BCAS3: variants seen among roughly 807,000 people sequenced by gnomAD.
BCAS3 encodes BCAS3 microtubule associated cell migration factor, also known as BCAS4/BCAS3 fusion.
BCAS3 carries 53 observed loss-of-function variants against 116.1 expected under a neutral mutation model. The ratio of observed to expected loss-of-function variants is 0.46; its 90% CI spans 0.37 to 0.57. The LOEUF is 0.57. Among genes scored for constraint, BCAS3 ranks in the 20% least tolerant of loss-of-function variants. The probability of loss-of-function intolerance (pLI) is 0.00; values close to 1 mark genes in which losing one functional copy is unlikely to be tolerated. For synonymous variants in BCAS3, 391 were observed against 408.2 expected (o/e 0.96, Z 0.51); for missense variants, 917 against 1,165.4 (o/e 0.79, Z 3.10).
intron 5 of BCAS3, among the ~76,000 whole-genome samples, chr17:60,721,684 A>G (rs1275859938): frequency 6.6e-6 from 1 of 152,158 alleles, no homozygotes; most frequent in Non-Finnish European, 1.5e-5. Context: ...TGTGGAATGC[A>G]ATTTTTTTCT....
chr17:60,854,230 A>C (rs2042757560), intron 7 of BCAS3, among the ~76,000 whole-genome samples: 1 of 152,126 alleles, frequency 6.6e-6, no homozygotes, highest in Non-Finnish European at 1.5e-5. Context: ...ACATGAACTC[A>C]TCCTTTTTTA....
chr17:61,301,806 G>C (rs1036652545), intron 22 of BCAS3, among the ~76,000 whole-genome samples: 19 of 152,222 alleles, frequency 1.2e-4, no homozygotes, highest in African/African-American at 4.3e-4. Flanking sequence ...TCTATTCATA[G>C]ATCTCATGGA....
chr17:61,071,559 A>G (rs1432385665), intron 19 of BCAS3, among the ~76,000 whole-genome samples: 4 of 152,176 alleles, frequency 2.6e-5, no homozygotes, highest in Admixed American at 2.6e-4. Context: ...AGGGATGTCA[A>G]TGTTAATGGT....
chr17:60,811,912 G>A (rs1403404474), intron 7 of BCAS3, among the ~76,000 whole-genome samples: 1 of 152,148 alleles, frequency 6.6e-6, no homozygotes, highest in Non-Finnish European at 1.5e-5. Context: ...AATTAGCTGG[G>A]CATGATGGCA....
chr17:60,736,378 G>T (rs2040962770), intron 5 of BCAS3, among the ~76,000 whole-genome samples: 1 of 151,634 alleles, frequency 6.6e-6, no homozygotes, highest in Admixed American at 6.6e-5. Context: ...TAGAGACGGT[G>T]TTTCTCCATG....
chr17:61,375,568 T>A (rs985437163), intron 23 of BCAS3, among the ~76,000 whole-genome samples: 11 of 148,450 alleles, frequency 7.4e-5, no homozygotes, highest in Middle Eastern at 3.2e-3. Flanking sequence ...GTGTTAATTA[T>A]CTTTTTTTTT....
In BCAS3 at chr17:60,782,561, G is replaced by GTTATTATTA. The variant is rs59139545; in HGVS notation, c.404-25410_404-25402dup. ...AAAACATGTTAGTTGGTCTTTATAAGTTATTATTATTATTATTATTATTAT... is the reference window on the plus strand; with the variant it reads ...AAAACATGTTAGTTGGTCTTTATAAGTTATTATTATTATTATTATTATTATTATTATTAT... On this transcript the variant is annotated intron_variant, in intron 6 of 23. Coordinates refer to ENST00000407086, the MANE Select transcript of BCAS3 (RefSeq NM_017679.5). 9.0e-3 allele frequency among the ~76,000 whole-genome samples: 1,279 copies of GTTATTATTA among 142,454 alleles called. 10 individuals are homozygous for GTTATTATTA. Among genetic ancestry groups the GTTATTATTA allele is most frequent in the African/African-American group, 0.026 (1,001 of 38,430 alleles). 93.5% of individuals were successfully genotyped at this position (142,454 alleles called of 152,430 possible). A position where few individuals can be genotyped will look rare whatever the true frequency, so the allele number is the denominator to read the frequency against.
chr17:61,252,827 C>CT (rs1186383951), intron 22 of BCAS3, among the ~76,000 whole-genome samples: 4 of 151,782 alleles, frequency 2.6e-5, no homozygotes, highest in Non-Finnish European at 5.9e-5. Flanking sequence ...CTAAGCTGCC[C>CT]TTTCTTCCTT....
At chr17:60,930,362 G>T (rs953833978) in intron 13 of BCAS3, among the ~76,000 whole-genome samples, 11 of 152,190 alleles carry the variant, frequency 7.2e-5, no homozygotes, top group Admixed American at 2.6e-4. Flanking sequence ...TTGATTGCAT[G>T]ATTTTTGTTT....
intron 22 of BCAS3, among the ~76,000 whole-genome samples, chr17:61,336,311 C>G (rs960803165): frequency 6.6e-6 from 1 of 152,236 alleles, no homozygotes; most frequent in Non-Finnish European, 1.5e-5. Context: ...GGGCTTTGAA[C>G]ACTTTAATTT....
Position 61,376,792 on chromosome 17 carries a change from C to A in BCAS3, c.2593+8298C>A, listed in dbSNP as rs1486561833. On this transcript the variant is annotated intron_variant, in intron 23 of 23. Transcript: ENST00000407086. This position sits in a 1 kb window ranked among gnomAD's most constrained non-coding sequence, Gnocchi z 4.5. ...CAAGCAACTTAGCCAGAACCTAGGG[C>A]TTTTCCTCTGCCTTATCTAATTGGG... Among the ~76,000 whole-genome samples, 1 of 152,196 alleles carries A rather than the reference C, an allele frequency of 6.6e-6. No homozygotes were observed. Among genetic ancestry groups the A allele is most frequent in the Non-Finnish European group, 1.5e-5 (1 of 68,024 alleles).
chr17:61,039,768 C>G (rs963386887), intron 18 of BCAS3, among the ~76,000 whole-genome samples: 5 of 152,072 alleles, frequency 3.3e-5, no homozygotes, highest in African/African-American at 1.2e-4. Flanking sequence ...TGGAGAATAC[C>G]TCTGTTTGAA....
rs1317641900 is a variant in BCAS3, at chr17:61,214,421, A to T, written c.2425+129857A>T. 1.3e-5 allele frequency among the ~76,000 whole-genome samples: 2 copies of T among 151,218 alleles called. No homozygotes were observed. Among genetic ancestry groups the T allele is most frequent in the Non-Finnish European group, 2.9e-5 (2 of 67,990 alleles). ...TATTTTAGGCTGGGCGCAGTGGCTC[A>T]TGCCTGTAATCCCAGCACTTTGCAA... On this transcript the variant is annotated intron_variant, in intron 22 of 23. Transcript: ENST00000407086. The surrounding 1 kb of genome is among the most constrained non-coding windows in gnomAD (Gnocchi z 4.4).
At position 60,736,549 on chromosome 17, in the gene BCAS3, A is replaced by AT. The variant is rs199642378; in HGVS notation, c.322-10647dup. On this transcript the variant is annotated intron_variant, in intron 5 of 23. Coordinates refer to ENST00000407086, the MANE Select transcript of BCAS3 (RefSeq NM_017679.5). ...GGCCTCCTAAAATGATTTAGGAAGC[A>AT]TTCTATATGCTTCTGTCTTCCAAAG... Among the ~76,000 whole-genome samples the AT allele has an allele frequency of 2.2e-3, 340 of 152,242 alleles. 5 individuals are homozygous for AT. The highest frequency in any genetic ancestry group is 0.017 in the South Asian group (80 of 4,812).
chr17:61,336,833 C>T lies in BCAS3; in HGVS notation c.2426-31494C>T, dbSNP rs932975924. Among the ~76,000 whole-genome samples the T allele has an allele frequency of 4.6e-5, 7 of 152,286 alleles. No homozygotes were observed. In the East Asian group the frequency reaches 1.4e-3, roughly 29 times the overall value. Reference sequence around the variant, plus strand: ...AGCAGCAGAACTTTATCCTTTCTGGCCAGGCGTGGTGGCTCACACCTGTAA... The same window carrying T: ...AGCAGCAGAACTTTATCCTTTCTGGTCAGGCGTGGTGGCTCACACCTGTAA... On this transcript the variant is annotated intron_variant, in intron 22 of 23. Coordinates refer to ENST00000407086, the MANE Select transcript of BCAS3 (RefSeq NM_017679.5).
chr17:61,274,281 A>ATTTTTTTTT (rs780529516), intron 22 of BCAS3, among the ~76,000 whole-genome samples: 5 of 96,234 alleles, frequency 5.2e-5, no homozygotes, highest in African/African-American at 4.2e-5. Flanking sequence ...AAATCTTTGA[A>ATTTTTTTTT]TTTTTTTTTT....
chr17:61,207,161 G>A (rs2081193260), intron 22 of BCAS3, among the ~76,000 whole-genome samples: 1 of 151,988 alleles, frequency 6.6e-6, no homozygotes, highest in Non-Finnish European at 1.5e-5. Context: ...ACGTTTATTG[G>A]CTACACACAT....
chr17:61,124,002 G>T lies in BCAS3; in HGVS notation c.2425+39438G>T, dbSNP rs1237257138. Among the ~76,000 whole-genome samples, 3 of 151,870 alleles carry T rather than the reference G, an allele frequency of 2.0e-5. No homozygotes were observed. Among genetic ancestry groups the T allele is most frequent in the Non-Finnish European group, 2.9e-5 (2 of 67,984 alleles). On this transcript the variant is annotated intron_variant, in intron 22 of 23. Coordinates refer to ENST00000407086, the MANE Select transcript of BCAS3 (RefSeq NM_017679.5). The surrounding 1 kb of genome is among the most constrained non-coding windows in gnomAD (Gnocchi z 4.6). ...CTTCAAACCAGTTCTAATCAAATCA[G>T]TTCTTTTATGTGCTTATACTACATG...
intron 5 of BCAS3, among the ~76,000 whole-genome samples, chr17:60,745,088 G>A (rs1414557889): frequency 6.6e-6 from 1 of 151,746 alleles, no homozygotes; most frequent in Non-Finnish European, 1.5e-5. Flanking sequence ...TTAACATAAA[G>A]GTTTTATTTG....
Sources: gnomAD v4.1 joint callset for allele counts (sites outside exome capture counted in the v4.1 genomes callset) on GRCh38, gnomAD v4.1.1 for gene constraint, Gnocchi (gnomAD v3.1) non-coding constraint, MANE v1.5 for transcripts, NCBI Gene and HGNC (gene_info 2026-07-23, HGNC 2026-07-21) for gene names.